The following SLC4A7 variants were observed in gnomAD, a reference collection of about 807,000 sequenced individuals.
The protein encoded by SLC4A7 is solute carrier family 4 member 7, also known as sodium bicarbonate cotransporter 3.
Under a neutral mutation model 137.6 loss-of-function variants are expected in SLC4A7, and 51 were observed. That is an observed-to-expected ratio of 0.37 (90% CI 0.30 to 0.47). The LOEUF (loss-of-function observed/expected upper bound fraction) is 0.47, where lower values mean the gene tolerates loss of function less well. Ranked by LOEUF, SLC4A7 falls within the 20% of genes least tolerant of loss-of-function variation. The pLI is 1.00. For missense variants in SLC4A7, 1,247 were observed against 1,525.4 expected (o/e 0.82, Z 3.04); for synonymous variants, 542 against 518.6 (o/e 1.05, Z -0.61).
intron 1 of SLC4A7, among the ~76,000 whole-genome samples, chr3:27,459,947 C>T (rs2058600925): frequency 6.7e-6 from 1 of 150,344 alleles, no homozygotes. Context: ...CATTTACAAT[C>T]TCTCTTCCAC....
intron 2 of SLC4A7, among the ~76,000 whole-genome samples, chr3:27,449,246 A>G (rs989910372): frequency 4.6e-5 from 7 of 152,036 alleles, no homozygotes; most frequent in African/African-American, 1.7e-4. Flanking sequence ...CTGAGATCAT[A>G]CTATGTAGAC....
chr3:27,398,272 A>G lies in SLC4A7; in HGVS notation c.2509T>C (p.Cys837Arg). 1 of 1,613,240 alleles carries G rather than the reference A, an allele frequency of 6.2e-7. No individual in the cohort carries two copies. Among genetic ancestry groups the G allele is most frequent in the South Asian group, 1.1e-5 (1 of 91,034 alleles). The change falls in exon 17 of 26, where the codon TGT becomes CGT. Residue 837 changes from cysteine (C) to arginine (R), a missense_variant. Coordinates refer to ENST00000454389, the MANE Select transcript of SLC4A7 (RefSeq NM_001321103.2). ...AATGTTGTGAAAAACAAGATGACAC[A>G]CCAAAAGAGCACATCTGGAATATAA... is the stretch of plus-strand genomic sequence containing the variant. ...GPYIPDVLFW[C>R]VILFFTTFFL...
At chr3:27,477,144 GAAGA>G (rs2150738652) in intron 1 of SLC4A7, among the ~76,000 whole-genome samples, 1 of 152,342 alleles carries the variant, frequency 6.6e-6, no homozygotes, top group Non-Finnish European at 1.5e-5. Flanking sequence ...TAGGCCCTCA[GAAGA>G]AATAATGAAA....
chr3:27,411,366 A>T (rs990953328), intron 12 of SLC4A7, among the ~76,000 whole-genome samples: 1 of 152,048 alleles, frequency 6.6e-6, no homozygotes, highest in Non-Finnish European at 1.5e-5. Flanking sequence ...CTTCTGTATA[A>T]GCAATGGAAA....
At chr3:27,469,187 C>T (rs2059133897) in intron 1 of SLC4A7, among the ~76,000 whole-genome samples, 1 of 152,174 alleles carries the variant, frequency 6.6e-6, no homozygotes, top group Non-Finnish European at 1.5e-5. Flanking sequence ...TGTGCTCTCA[C>T]AACAATCATC....
chr3:27,384,627 A>G (rs1304467816), intron 23 of SLC4A7, among the ~76,000 whole-genome samples: 2 of 152,156 alleles, frequency 1.3e-5, no homozygotes, highest in Admixed American at 1.3e-4. Context: ...TTTGGCCCAT[A>G]TATTTTATAG....
At chr3:27,415,333 A>G (rs781633647) in intron 11 of SLC4A7, among the ~76,000 whole-genome samples, 1 of 152,226 alleles carries the variant, frequency 6.6e-6, no homozygotes, top group Non-Finnish European at 1.5e-5. Context: ...GCCTTCTCAT[A>G]TAACAAAAAG....
At chr3:27,436,340 A>C (rs1341437195) in intron 5 of SLC4A7, 48 bp downstream of exon 5, 1 of 1,429,516 alleles carries the variant, frequency 7.0e-7, no homozygotes, top group African/African-American at 1.4e-5. Context: ...TGAATGTCTA[A>C]AATTCCACTA....
At chr3:27,430,722 T>C (rs1374071419) in intron 7 of SLC4A7, among the ~76,000 whole-genome samples, 1 of 150,784 alleles carries the variant, frequency 6.6e-6, no homozygotes. Flanking sequence ...TCCCAGCTAC[T>C]CAGGAGGCTG....
At position 27,404,869 on chromosome 3, in the gene SLC4A7, G is replaced by A. The variant is rs888134478; in HGVS notation, c.2036C>T (p.Pro679Leu). ...TAAAATTTTTTCAAACACTAGAACT[G>A]GACCTGTGCTCCCCAATATTGTTAG... ...QPLTILGSTG[P>L]VLVFEKILYK... The change falls in exon 14 of 26, where the codon CCA becomes CTA. Residue 679 changes from proline to leucine, a missense_variant. By Grantham distance (98) the Pro-to-Leu change is moderately conservative (BLOSUM62 -3). Coordinates refer to ENST00000454389, the MANE Select transcript of SLC4A7 (RefSeq NM_001321103.2). 1.9e-6 allele frequency: 3 copies of A among 1,609,932 alleles called. No homozygotes were observed. The African/African-American group carries it at 4.0e-5, about 22-fold the overall frequency.
chr3:27,419,422 G>A (rs1559715813), intron 10 of SLC4A7, among the ~76,000 whole-genome samples: 1 of 151,170 alleles, frequency 6.6e-6, no homozygotes, highest in Non-Finnish European at 1.5e-5. Flanking sequence ...TACAAAATTA[G>A]CCAGGTGTGG....
intron 1 of SLC4A7, among the ~76,000 whole-genome samples, chr3:27,475,381 A>G (rs1452819530): frequency 1.3e-5 from 2 of 151,338 alleles, no homozygotes; most frequent in South Asian, 2.1e-4. Flanking sequence ...CAATTTGCAC[A>G]TGAGAAAAAT....
At chr3:27,383,645 A>G (rs936176239) in intron 23 of SLC4A7, among the ~76,000 whole-genome samples, 1 of 152,210 alleles carries the variant, frequency 6.6e-6, no homozygotes, top group East Asian at 1.9e-4. Flanking sequence ...AGCAATACTG[A>G]CATTTAGGGT....
At position 27,395,184 on chromosome 3, in the gene SLC4A7, G is replaced by C. The variant is rs1020914629; in HGVS notation, c.2704-69C>G. The C allele has an allele frequency of 6.3e-6, 7 of 1,108,582 alleles. No individual in the cohort carries two copies. In the African/African-American group the frequency reaches 9.4e-5, roughly 15 times the overall value. The allele number at this position is 1,108,582 out of a possible 1,614,324, so 68.7% of individuals were successfully genotyped here. On this transcript the variant is annotated intron_variant, in intron 18 of 25. Coordinates refer to ENST00000454389, the MANE Select transcript of SLC4A7 (RefSeq NM_001321103.2). Reference sequence around the variant, plus strand: ...TATTGCACTAAATTTCCATAACATAGACTTGATCTGTTCCAAGAAATACCC... The same window carrying C: ...TATTGCACTAAATTTCCATAACATACACTTGATCTGTTCCAAGAAATACCC...
At chr3:27,435,725 C>G (rs2056684297) in intron 5 of SLC4A7, among the ~76,000 whole-genome samples, 1 of 152,008 alleles carries the variant, frequency 6.6e-6, no homozygotes, top group Non-Finnish European at 1.5e-5. Flanking sequence ...ACCTGTGGTC[C>G]CAGCTACTCA....
intron 16 of SLC4A7, among the ~76,000 whole-genome samples, chr3:27,399,703 GT>G (rs2052560850): frequency 6.6e-6 from 1 of 152,112 alleles, no homozygotes; most frequent in Non-Finnish European, 1.5e-5. Context: ...GAGTGCTATG[GT>G]GTGAACCACC....
intron 1 of SLC4A7, chr3:27,456,654 T>C (rs974953823): frequency 1.3e-6 from 2 of 1,593,506 alleles, no homozygotes; most frequent in African/African-American, 2.7e-5. Context: ...TACATACAGG[T>C]AACTTCTTCT....
At chr3:27,431,815 G>A (rs1003554640) in intron 6 of SLC4A7, 146 bp from the exon 7 acceptor site, 12 of 732,114 alleles carry the variant, frequency 1.6e-5, no homozygotes, top group East Asian at 9.3e-5. Flanking sequence ...CATGTCAATC[G>A]GGTTTTTACA....
At chr3:27,457,756 A>T (rs35572617) in intron 1 of SLC4A7, among the ~76,000 whole-genome samples, 27,676 of 152,128 alleles carry the variant, frequency 0.18, 2,925 homozygotes, top group Non-Finnish European at 0.25. Flanking sequence ...AAATTTTTTT[A>T]AATCACACTT....
Sources: allele counts gnomAD v4.1 joint callset (sites outside exome capture counted in the v4.1 genomes callset), GRCh38; gene constraint gnomAD v4.1.1; transcripts MANE v1.5; gene names NCBI Gene and HGNC (gene_info 2026-07-23, HGNC 2026-07-21).